Variants in TMEM236 observed in about 807,000 individuals in gnomAD.
TMEM236 encodes transmembrane protein 236, also known as family with sequence similarity 23, member A.
A neutral mutation model predicts 14.7 loss-of-function variants in TMEM236; 11 were observed. The ratio of observed to expected loss-of-function variants is 0.75; its 90% CI spans 0.47 to 1.24. The LOEUF (loss-of-function observed/expected upper bound fraction) is 1.24. Ranked by LOEUF, TMEM236 falls within the 50% of genes most tolerant of loss-of-function variation. The pLI is 0.00. For synonymous variants in TMEM236, 182 were observed against 168.6 expected (o/e 1.08, Z -0.62); for missense variants, 464 against 427.3 (o/e 1.09, Z -0.76).
chr10:17,769,505 A>G (rs1204961967), intron 1 of TMEM236, among the ~76,000 whole-genome samples: 2 of 152,266 alleles, frequency 1.3e-5, no homozygotes, highest in Non-Finnish European at 2.9e-5. Flanking sequence ...TAATATAGAT[A>G]AAGAACAAGC....
Position 17,796,647 on chromosome 10 carries a change from C to T in TMEM236, c.*143C>T, listed in dbSNP as rs1838020200. The stretch of plus-strand genomic sequence containing the variant: ...AATAAGCCATTTTTACTAACTCTAG[C>T]ATATCAGTTTTTTTTTTTACATATA... On this transcript the variant is annotated 3_prime_UTR_variant, in exon 4 of 4. Coordinates refer to ENST00000377495, the MANE Select transcript of TMEM236 (RefSeq NM_001098844.3). 1.5e-6 allele frequency: 1 copy of T among 679,696 alleles called. No individual in the cohort carries two copies. The highest frequency in any genetic ancestry group is 2.4e-6 in the Non-Finnish European group (1 of 415,594). 42.1% of individuals were successfully genotyped at this position (679,696 alleles called of 1,614,324 possible). A position where few individuals can be genotyped will look rare whatever the true frequency, so the allele number is the denominator to read the frequency against.
chr10:17,776,085 G>GC lies in TMEM236; in HGVS notation c.390dup (p.Val131ArgfsTer12). ...TCTTACCTGATATGTTACCTGACCT[G>GC]CCCGTATCTCTGGTTCTGTTATCCC... On this transcript the variant is annotated frameshift_variant, in exon 3 of 4. Transcript: ENST00000377495. LOFTEE classifies it high-confidence loss of function. The GC allele has an allele frequency of 6.2e-7, 1 of 1,613,830 alleles. No individual in the cohort carries two copies. The highest frequency in any genetic ancestry group is 1.7e-4 in the Middle Eastern group (1 of 6,054).
rs1489907867 is a variant in TMEM236, at chr10:17,774,647, C to CT, written c.331-1377dup. 3.8e-3 allele frequency among the ~76,000 whole-genome samples: 572 copies of CT among 152,164 alleles called. 1 individual carries two copies. The highest frequency in any genetic ancestry group is 0.013 in the African/African-American group (538 of 41,472). ...GAAGAGTAAATCTTCCTAGCTTATT[C>CT]TTTTTCTTCCAGAATTTCCTGCCTT... On this transcript the variant is annotated intron_variant, in intron 2 of 3. Coordinates refer to ENST00000377495, the MANE Select transcript of TMEM236 (RefSeq NM_001098844.3).
At chr10:17,783,128 C>T (rs1837781200) in intron 3 of TMEM236, among the ~76,000 whole-genome samples, 1 of 152,096 alleles carries the variant, frequency 6.6e-6, no homozygotes, top group Non-Finnish European at 1.5e-5. Flanking sequence ...AGTTAACTGC[C>T]TCTGGATGGG....
chr10:17,762,259 G>A (rs1269524508), intron 1 of TMEM236, among the ~76,000 whole-genome samples: 2 of 151,964 alleles, frequency 1.3e-5, no homozygotes, highest in African/African-American at 4.8e-5. Context: ...TCTCCAATGG[G>A]CAGAGTTCCA....
At chr10:17,768,760 T>TGTGC (rs1406545867) in intron 1 of TMEM236, among the ~76,000 whole-genome samples, 43 of 151,470 alleles carry the variant, frequency 2.8e-4, no homozygotes, top group African/African-American at 1.0e-3. Context: ...TGTGTGTGTG[T>TGTGC]GCCTGTATGT....
intron 1 of TMEM236, among the ~76,000 whole-genome samples, chr10:17,755,975 G>A (rs1354071938): frequency 1.3e-5 from 2 of 152,264 alleles, no homozygotes; most frequent in South Asian, 4.1e-4. Flanking sequence ...ACAGAAACAC[G>A]TACTTCATAG....
At chr10:17,786,587 A>G (rs1837841088) in intron 3 of TMEM236, among the ~76,000 whole-genome samples, 1 of 152,200 alleles carries the variant, frequency 6.6e-6, no homozygotes, top group Non-Finnish European at 1.5e-5. Context: ...ATCTAGAAGA[A>G]CACCGCTTTT....
chr10:17,779,804 C>T (rs948049535), intron 3 of TMEM236, among the ~76,000 whole-genome samples: 25 of 152,258 alleles, frequency 1.6e-4, no homozygotes, highest in African/African-American at 5.8e-4. Flanking sequence ...CTGCTTTGCA[C>T]TCAGCTTTTC....
At chr10:17,781,745 CAAAAAAA>C (rs67839025) in intron 3 of TMEM236, among the ~76,000 whole-genome samples, 63 of 96,842 alleles carry the variant, frequency 6.5e-4, no homozygotes, top group African/African-American at 2.4e-3. Context: ...ACCTCTGTCT[CAAAAAAA>C]AAAAAAAAAA....
In TMEM236 at chr10:17,796,878, T is replaced by A. The variant is rs1838024985; in HGVS notation, c.*374T>A. The A allele has an allele frequency of 3.6e-6, 1 of 275,778 alleles. No homozygotes were observed. Among genetic ancestry groups the A allele is most frequent in the African/African-American group, 2.3e-5 (1 of 43,950 alleles). The allele number at this position is 275,778 out of a possible 1,614,324, so 17.1% of individuals were successfully genotyped here. On this transcript the variant is annotated 3_prime_UTR_variant, in exon 4 of 4. Transcript: ENST00000377495. ...TCAAACTGAGCGTTCCCGCCTGCAT[T>A]CCGCCTCCTGTCAGATCAGCAGCAG...
Position 17,787,667 on chromosome 10 carries a change from C to G in TMEM236, c.473-8254C>G, listed in dbSNP as rs981946489. 4.7e-3 allele frequency among the ~76,000 whole-genome samples: 717 copies of G among 152,298 alleles called. 5 individuals are homozygous for G. The highest frequency in any genetic ancestry group is 0.017 in the African/African-American group (688 of 41,554). On this transcript the variant is annotated intron_variant, in intron 3 of 3. Transcript: ENST00000377495. Reference sequence around the variant, plus strand: ...ATGGTGGATCTGTTCCATATCAATACCAGGCACTCCACTGGTGCTGGGGGT... The same window carrying G: ...ATGGTGGATCTGTTCCATATCAATAGCAGGCACTCCACTGGTGCTGGGGGT...
chr10:17,784,136 T>G (rs1441321065), intron 3 of TMEM236, among the ~76,000 whole-genome samples: 1 of 152,228 alleles, frequency 6.6e-6, no homozygotes. Flanking sequence ...GTAGTTATGC[T>G]TAAAAAGTCT....
rs1181734908 is a variant in TMEM236 at position 17,768,085 on chromosome 10, G to GTTTTTTTTTTTTTTTT, written c.258-3224_258-3223insTTTTTTTTTTTTTTTT. Among the ~76,000 whole-genome samples the GTTTTTTTTTTTTTTTT allele has an allele frequency of 3.6e-3, 359 of 98,796 alleles. 68 individuals are homozygous for GTTTTTTTTTTTTTTTT. The highest frequency in any genetic ancestry group is 0.013 in the African/African-American group (318 of 24,792). The allele number at this position is 98,796 out of a possible 152,430, so 64.8% of individuals were successfully genotyped here. A position where few individuals can be genotyped will look rare whatever the true frequency, so the allele number is the denominator to read the frequency against. On this transcript the variant is annotated intron_variant, in intron 1 of 3. Coordinates refer to ENST00000377495, the MANE Select transcript of TMEM236 (RefSeq NM_001098844.3). Reference sequence around the variant, plus strand: ...ACCACCACACCTCGCTAATTTTTGTGGTTTTTTTTTTTTTTTTTTTTTTGT... The same window carrying GTTTTTTTTTTTTTTTT: ...ACCACCACACCTCGCTAATTTTTGTGTTTTTTTTTTTTTTTTGTTTTTTTTTTTTTTTTTTTTTTGT...
Position 17,752,548 on chromosome 10 carries a change from G to A in TMEM236, c.253G>A (p.Gly85Arg). 1 of 1,613,548 alleles carries A rather than the reference G, an allele frequency of 6.2e-7. No homozygotes were observed. Among genetic ancestry groups the A allele is most frequent in the South Asian group, 1.1e-5 (1 of 91,044 alleles). ...ACGTTATATTTACAGAAAAATTAAAGGATGGTAAGTAAAAGAATTTTCTTT... is the reference window on the plus strand; with the variant it reads ...ACGTTATATTTACAGAAAAATTAAAAGATGGTAAGTAAAAGAATTTTCTTT... ...KKRYIYRKIK[G>R]WRPVLMMCVV... Residue 85 changes from glycine (G) to arginine (R), a missense_variant, in exon 1 of 4, where the codon GGA becomes AGA. Gly to Arg is a moderately radical substitution (Grantham distance 125). Transcript: ENST00000377495.
At chr10:17,767,006 C>G (rs1198716225) in intron 1 of TMEM236, among the ~76,000 whole-genome samples, 3 of 152,124 alleles carry the variant, frequency 2.0e-5, no homozygotes, top group African/African-American at 7.2e-5. Flanking sequence ...TATAAAAACA[C>G]CAGTCATATT....
chr10:17,773,332 C>T (rs1266601520), intron 2 of TMEM236, among the ~76,000 whole-genome samples: 2 of 152,092 alleles, frequency 1.3e-5, no homozygotes, highest in Admixed American at 6.6e-5. Flanking sequence ...CCAGCGCTTG[C>T]GTTGTTTCTT....
chr10:17,753,297 A>G (rs1378109873), intron 1 of TMEM236, among the ~76,000 whole-genome samples: 1 of 152,206 alleles, frequency 6.6e-6, no homozygotes, highest in South Asian at 2.1e-4. Flanking sequence ...GGTTTGTTAC[A>G]TAGGTTAACT....
intron 1 of TMEM236, among the ~76,000 whole-genome samples, chr10:17,768,549 C>T (rs968381407): frequency 3.3e-5 from 5 of 152,208 alleles, no homozygotes; most frequent in Middle Eastern, 3.4e-3. Context: ...GAAGTTTCAT[C>T]GCACAAAAAT....
Sources: allele counts gnomAD v4.1 joint callset (sites outside exome capture counted in the v4.1 genomes callset), GRCh38; gene constraint gnomAD v4.1.1; transcripts MANE v1.5; gene names NCBI Gene and HGNC (gene_info 2026-07-23, HGNC 2026-07-21).